Variants in CNTN3 observed in about 807,000 individuals in gnomAD.
CNTN3 encodes the protein contactin-3.
A neutral mutation model predicts 119.1 loss-of-function variants in CNTN3; 60 were observed. The ratio of observed to expected loss-of-function variants is 0.50; its 90% CI spans 0.41 to 0.62. CNTN3 has a LOEUF of 0.62. Ranked by LOEUF, CNTN3 falls within the 20% of genes least tolerant of loss-of-function variation. CNTN3 has a pLI of 0.00. For missense variants in CNTN3, 1,101 were observed against 1,242.4 expected, an observed-to-expected ratio of 0.89 and a Z score of 1.71; for synonymous variants, 450 against 438.7, an observed-to-expected ratio of 1.03 and a Z score of -0.32.
intron 2 of CNTN3, among the ~76,000 whole-genome samples, chr3:74,506,921 T>C (rs1703272009): frequency 6.6e-6 from 1 of 152,210 alleles, no homozygotes; most frequent in South Asian, 2.1e-4. Context: ...TTCATTTCTA[T>C]TATGGAACCC....
Position 74,486,282 on chromosome 3 carries a change from A to G in CNTN3, c.358+174T>C, listed in dbSNP as rs1702857268. Among the ~76,000 whole-genome samples, 3 of 151,860 alleles carry G rather than the reference A, an allele frequency of 2.0e-5. No individual in the cohort carries two copies. The South Asian group carries it at 6.2e-4, about 31-fold the overall frequency. On this transcript the variant is annotated intron_variant, in intron 4 of 22. Transcript: ENST00000263665. ...CAGACATACACACACACACACATTT[A>G]AAGCTCTGATTTGAACACTATAAAA...
intron 4 of CNTN3, among the ~76,000 whole-genome samples, chr3:74,453,470 C>T (rs555793731): frequency 7.2e-5 from 11 of 152,140 alleles, no homozygotes; most frequent in Non-Finnish European, 1.3e-4. Context: ...ATACCAGCTC[C>T]TGGATTCATT....
At chr3:74,372,066 CT>C (rs1015240101) in intron 5 of CNTN3, among the ~76,000 whole-genome samples, 7 of 152,280 alleles carry the variant, frequency 4.6e-5, no homozygotes, top group African/African-American at 1.7e-4. Flanking sequence ...TCCTCCTTCT[CT>C]GGGTTGATGC....
At chr3:74,349,389 TC>T (rs1413292557) in intron 11 of CNTN3, among the ~76,000 whole-genome samples, 2 of 152,196 alleles carry the variant, frequency 1.3e-5, no homozygotes, top group African/African-American at 4.8e-5. Flanking sequence ...CAGGAAGGCT[TC>T]CCATAGCAAG....
intron 5 of CNTN3, among the ~76,000 whole-genome samples, chr3:74,399,327 T>C (rs1009150088): frequency 6.6e-5 from 10 of 152,038 alleles, no homozygotes; most frequent in African/African-American, 2.4e-4. Flanking sequence ...CCAGTGTGTG[T>C]TGTTCCCCCC....
chr3:74,521,115 T>G lies in CNTN3; in HGVS notation c.-3A>C. 6.3e-7 allele frequency: 1 copy of G among 1,593,240 alleles called. No homozygotes were observed. The highest frequency in any genetic ancestry group is 8.6e-7 in the Non-Finnish European group (1 of 1,166,748). ...AACTGTTTCCATGGAAACATCATCT[T>G]TAATTGCCAAATGCAAGAGTAACTC... On this transcript the variant is annotated 5_prime_UTR_variant, in exon 2 of 23. Transcript: ENST00000263665.
At chr3:74,561,176 A>T (rs71319858) in intron 1 of CNTN3, among the ~76,000 whole-genome samples, 24,146 of 136,288 alleles carry the variant, frequency 0.18, 2,551 homozygotes, top group East Asian at 0.37. Flanking sequence ...AAAGCATAAT[A>T]AAAAAAAAAT....
chr3:74,547,965 T>C (rs372935241), intron 1 of CNTN3, among the ~76,000 whole-genome samples: 3 of 152,186 alleles, frequency 2.0e-5, no homozygotes, highest in African/African-American at 7.2e-5. Context: ...TACATTTTCA[T>C]GTATATTAGA....
At chr3:74,268,023 G>C (rs1293899955) in intron 20 of CNTN3, among the ~76,000 whole-genome samples, 2 of 152,042 alleles carry the variant, frequency 1.3e-5, no homozygotes, top group Non-Finnish European at 2.9e-5. Flanking sequence ...AATTGCAAGA[G>C]AGTCTATATT....
chr3:74,605,271 T>C (rs974908901), intron 1 of CNTN3, among the ~76,000 whole-genome samples: 1 of 152,020 alleles, frequency 6.6e-6, no homozygotes, highest in East Asian at 1.9e-4. Flanking sequence ...TGAAAATCAC[T>C]AAGAGAATAG....
At chr3:74,485,192 A>T (rs1702830510) in intron 4 of CNTN3, among the ~76,000 whole-genome samples, 1 of 151,992 alleles carries the variant, frequency 6.6e-6, no homozygotes, top group South Asian at 2.1e-4. Flanking sequence ...AACCATGGAA[A>T]TTGCACTAAA....
chr3:74,582,853 A>C (rs546624838), intron 1 of CNTN3, among the ~76,000 whole-genome samples: 1 of 151,948 alleles, frequency 6.6e-6, no homozygotes, highest in South Asian at 2.1e-4. Flanking sequence ...AAGCATTTAC[A>C]CAAGAGAAAA....
At chr3:74,400,634 A>G (rs1251718180) in intron 5 of CNTN3, among the ~76,000 whole-genome samples, 1 of 152,154 alleles carries the variant, frequency 6.6e-6, no homozygotes, top group East Asian at 1.9e-4. Context: ...CACCATGACA[A>G]AGCCCTTTCT....
chr3:74,388,198 C>T (rs1704804380), intron 5 of CNTN3, among the ~76,000 whole-genome samples: 1 of 152,086 alleles, frequency 6.6e-6, no homozygotes, highest in Admixed American at 6.6e-5. Context: ...ACCTAACATA[C>T]AGCAAAAACC....
intron 4 of CNTN3, among the ~76,000 whole-genome samples, chr3:74,481,197 T>C (rs35204712): frequency 0.34 from 51,576 of 151,700 alleles, 11,658 homozygotes; most frequent in Non-Finnish European, 0.5. Context: ...AGAAAAATGA[T>C]AGATTAGGCA....
intron 5 of CNTN3, among the ~76,000 whole-genome samples, chr3:74,378,976 G>A (rs11920611): frequency 0.021 from 3,187 of 152,078 alleles, 102 homozygotes; most frequent in African/African-American, 0.069. Context: ...GCTTTTAGTT[G>A]AGCATATATG....
chr3:74,446,340 T>C (rs1575732785), intron 4 of CNTN3, among the ~76,000 whole-genome samples: 1 of 152,194 alleles, frequency 6.6e-6, no homozygotes, highest in Non-Finnish European at 1.5e-5. Context: ...GAGATGCATT[T>C]AGATATGCAG....
intron 11 of CNTN3, among the ~76,000 whole-genome samples, chr3:74,353,714 C>G (rs914847560): frequency 6.6e-6 from 1 of 151,992 alleles, no homozygotes; most frequent in Non-Finnish European, 1.5e-5. Flanking sequence ...CGAGATTGCG[C>G]CACTGCACTC....
chr3:74,518,201 C>T (rs747596163), intron 2 of CNTN3, among the ~76,000 whole-genome samples: 9 of 151,848 alleles, frequency 5.9e-5, no homozygotes, highest in South Asian at 4.1e-4. Context: ...ATCCAATATG[C>T]GGAGTAATCA....
Sources: gnomAD v4.1 joint callset for allele counts (sites outside exome capture counted in the v4.1 genomes callset) on GRCh38, gnomAD v4.1.1 for gene constraint, MANE v1.5 for transcripts, NCBI Gene and HGNC (gene_info 2026-07-23, HGNC 2026-07-21) for gene names.